The following SYK variants were observed in gnomAD, a reference collection of about 807,000 sequenced individuals.
SYK encodes tyrosine-protein kinase SYK.
Under a neutral mutation model 77.8 loss-of-function variants are expected in SYK, and 16 were observed. The ratio of observed to expected loss-of-function variants is 0.21; its 90% CI spans 0.14 to 0.31. The LOEUF is 0.31. Among genes scored for constraint, SYK ranks in the 10% least tolerant of loss-of-function variants. The pLI is 1.00. For synonymous variants in SYK, 312 were observed against 308.7 expected, an observed-to-expected ratio of 1.01 and a Z score of -0.11; for missense variants, 529 against 814.4, an observed-to-expected ratio of 0.65 and a Z score of 4.26.
In SYK at chr9:90,877,752, C is replaced by G; in HGVS notation, c.1363C>G (p.Pro455Ala). Residue 455 changes from proline to alanine, a missense_variant, in exon 10 of 14, where the codon CCC (proline) becomes GCC (alanine). By Grantham distance (27) the Pro-to-Ala change is conservative. This residue lies in a region of SYK where 208 missense variants were observed against 381.3 expected (regional missense o/e 0.55). Coordinates refer to ENST00000375754, the MANE Select transcript of SYK (RefSeq NM_003177.7). ...GGTTATGGAGATGGCAGAACTTGGT[C>G]CCCTCAATAAGTATTTGCAGCAGAA... ...MLVMEMAELGPLNKYLQQNRH... is the reference protein window; with the variant it reads ...MLVMEMAELGALNKYLQQNRH... 1 of 1,614,152 alleles carries G rather than the reference C, an allele frequency of 6.2e-7. No homozygotes were observed.
chr9:90,844,869 C>T (rs1826524406), intron 2 of SYK, among the ~76,000 whole-genome samples: 1 of 152,352 alleles, frequency 6.6e-6, no homozygotes. Context: ...CACTTGTATG[C>T]AACGTCTGCA....
intron 1 of SYK, among the ~76,000 whole-genome samples, chr9:90,831,490 A>G (rs1825890425): frequency 6.6e-6 from 1 of 152,232 alleles, no homozygotes; most frequent in South Asian, 2.1e-4. Flanking sequence ...CATAGAGATA[A>G]CTATTTTCCC....
At chr9:90,828,851 G>T (rs960981759) in intron 1 of SYK, among the ~76,000 whole-genome samples, 2 of 152,058 alleles carry the variant, frequency 1.3e-5, no homozygotes, top group African/African-American at 4.8e-5. Flanking sequence ...GTCCTCCCTG[G>T]CTCCCTTCCC....
intron 10 of SYK, among the ~76,000 whole-genome samples, chr9:90,878,107 T>C (rs998920833): frequency 6.6e-6 from 1 of 152,224 alleles, no homozygotes; most frequent in South Asian, 2.1e-4. Flanking sequence ...GAAGAACACT[T>C]TCTTTTTAAA....
intron 4 of SYK, 82 bp from the exon 5 acceptor site, chr9:90,864,507 C>G (rs1385361430): frequency 8.0e-7 from 1 of 1,242,296 alleles, no homozygotes; most frequent in Non-Finnish European, 1.2e-6. Flanking sequence ...GAAAGCCCAA[C>G]AGTCAGTCAG....
At chr9:90,801,917 C>A in intron 1 of SYK, 24 bp downstream of exon 1, 1 of 152,538 alleles carries the variant, frequency 6.6e-6, no homozygotes, top group South Asian at 2.0e-4. Flanking sequence ...CGTCCCCTAC[C>A]CGGCCGGGAC....
At position 90,884,473 on chromosome 9, in the gene SYK, A is replaced by G. The variant is rs1311619133; in HGVS notation, c.1582-3276A>G. ...TACACATACACATATGTGTGTACATATACATACACACACATACACATATGT... is the reference window on the plus strand; with the variant it reads ...TACACATACACATATGTGTGTACATGTACATACACACACATACACATATGT... On this transcript the variant is annotated intron_variant, in intron 11 of 13. Coordinates refer to ENST00000375754, the MANE Select transcript of SYK (RefSeq NM_003177.7). 9.0e-4 allele frequency among the ~76,000 whole-genome samples: 36 copies of G among 39,904 alleles called. 16 individuals carry two copies. Among genetic ancestry groups the G allele is most frequent in the Admixed American group, 3.4e-3 (13 of 3,834 alleles). 26.2% of individuals were successfully genotyped at this position (39,904 alleles called of 152,430 possible).
intron 3 of SYK, among the ~76,000 whole-genome samples, chr9:90,854,231 T>C (rs1826933277): frequency 6.6e-6 from 1 of 152,198 alleles, no homozygotes; most frequent in Non-Finnish European, 1.5e-5. Flanking sequence ...AGATCCTGGC[T>C]GCTCAGCTGC....
chr9:90,865,245 T>C (rs2118806163), intron 6 of SYK, 148 bp downstream of exon 6: 1 of 791,360 alleles, frequency 1.3e-6, no homozygotes, highest in South Asian at 1.6e-5. Flanking sequence ...TGCTAGTGAG[T>C]GTTAGGCAGA....
At chr9:90,891,047 AGGCCATTTACATAACAC>A (rs1321033535) in intron 13 of SYK, among the ~76,000 whole-genome samples, 21 of 152,130 alleles carry the variant, frequency 1.4e-4, no homozygotes, top group Non-Finnish European at 2.9e-4. Flanking sequence ...TTGGACAGCC[AGGCCATTTACATAACAC>A]GAAAAGAAAC....
intron 1 of SYK, among the ~76,000 whole-genome samples, chr9:90,822,010 A>C (rs1825536137): frequency 6.6e-6 from 1 of 152,210 alleles, no homozygotes; most frequent in African/African-American, 2.4e-5. Context: ...CAAGTGATGC[A>C]TTGATCAGTT....
intron 7 of SYK, among the ~76,000 whole-genome samples, chr9:90,869,465 A>C (rs1199921175): frequency 6.6e-6 from 1 of 152,200 alleles, no homozygotes. Context: ...AAAATATTTT[A>C]ATTGCTTATC....
chr9:90,856,511 C>T (rs1402936321), intron 3 of SYK, among the ~76,000 whole-genome samples: 1 of 151,914 alleles, frequency 6.6e-6, no homozygotes, highest in Non-Finnish European at 1.5e-5. Flanking sequence ...ACTAATTTTT[C>T]CTTCATTTGT....
chr9:90,831,864 A>G (rs954695537), intron 1 of SYK, among the ~76,000 whole-genome samples: 2 of 152,056 alleles, frequency 1.3e-5, no homozygotes, highest in Non-Finnish European at 2.9e-5. Flanking sequence ...TGATTTTGCT[A>G]TTTAAAAATG....
At chr9:90,877,404 G>A (rs544468496) in intron 9 of SYK, among the ~76,000 whole-genome samples, 167 bp from the exon 10 acceptor site, 25 of 152,326 alleles carry the variant, frequency 1.6e-4, no homozygotes, top group African/African-American at 5.8e-4. Context: ...AGGGAATATA[G>A]GTTGGAAGGC....
chr9:90,802,815 T>TAAAAAAAAA lies in SYK; in HGVS notation c.-42+926_-42+934dup, dbSNP rs58269380. On this transcript the variant is annotated intron_variant, in intron 1 of 13. Transcript: ENST00000375754. ...GAGTTCAAAGCATTGCAGCGTGTAGTAAAAAAAAAAAAGAGTTGAAGATGT... is the reference window on the plus strand; with the variant it reads ...GAGTTCAAAGCATTGCAGCGTGTAGTAAAAAAAAAAAAAAAAAAAAAGAGTTGAAGATGT... 2.0e-4 allele frequency among the ~76,000 whole-genome samples: 12 copies of TAAAAAAAAA among 58,668 alleles called. 1 individual carries two copies. Among genetic ancestry groups the TAAAAAAAAA allele is most frequent in the East Asian group, 1.2e-3 (2 of 1,676 alleles). The allele number at this position is 58,668 out of a possible 152,430, so 38.5% of individuals were successfully genotyped here. A position where few individuals can be genotyped will look rare whatever the true frequency, so the allele number is the denominator to read the frequency against.
At chr9:90,837,113 A>G (rs548794341) in intron 1 of SYK, among the ~76,000 whole-genome samples, 2 of 152,260 alleles carry the variant, frequency 1.3e-5, no homozygotes, top group Non-Finnish European at 1.5e-5. Flanking sequence ...ACTATTAGTT[A>G]AGTTTTGGGG....
intron 1 of SYK, among the ~76,000 whole-genome samples, chr9:90,814,645 C>T (rs1327808197): frequency 1.3e-5 from 2 of 152,176 alleles, no homozygotes; most frequent in Non-Finnish European, 2.9e-5. Context: ...CGGTAACACT[C>T]GCCACTATTT....
chr9:90,849,479 A>G (rs1464692608), intron 3 of SYK, among the ~76,000 whole-genome samples: 1 of 152,108 alleles, frequency 6.6e-6, no homozygotes, highest in East Asian at 1.9e-4. Context: ...ACTTCCTGAC[A>G]TGTAGTAATA....
Sources: gnomAD v4.1 joint callset for allele counts (sites outside exome capture counted in the v4.1 genomes callset) on GRCh38, gnomAD v4.1.1 for gene constraint, gnomAD v4.1.1 regional missense constraint, MANE v1.5 for transcripts, NCBI Gene and HGNC (gene_info 2026-07-23, HGNC 2026-07-21) for gene names.